The following LRRTM4 variants were observed in gnomAD, a reference collection of about 807,000 sequenced individuals.
The protein encoded by LRRTM4 is leucine-rich repeat transmembrane neuronal protein 4.
Under a neutral mutation model 47.6 loss-of-function variants are expected in LRRTM4, and 25 were observed. That is an observed-to-expected ratio of 0.53 (90% CI 0.38 to 0.73). The LOEUF is 0.73. LRRTM4 is among the 30% of genes least tolerant of loss of function. The pLI, the probability that LRRTM4 is intolerant of heterozygous loss-of-function variation, is 0.00. For missense variants in LRRTM4, 638 were observed against 713.4 expected (o/e 0.89, Z 1.20); for synonymous variants, 311 against 269.5 (o/e 1.15, Z -1.51).
chr2:77,066,147 G>A (rs1679943760), intron 3 of LRRTM4, among the ~76,000 whole-genome samples: 1 of 152,210 alleles, frequency 6.6e-6, no homozygotes, highest in South Asian at 2.1e-4. Context: ...TAGCATACTG[G>A]TGAGGAGCTC....
chr2:76,807,483 TATAC>T (rs1241576411), intron 3 of LRRTM4, among the ~76,000 whole-genome samples: 10 of 134,190 alleles, frequency 7.5e-5, no homozygotes, highest in South Asian at 7.3e-4. Flanking sequence ...TATATATATA[TATAC>T]ATATATATAT....
chr2:77,146,053 A>T (rs1672254575), intron 3 of LRRTM4, among the ~76,000 whole-genome samples: 1 of 152,188 alleles, frequency 6.6e-6, no homozygotes, highest in Non-Finnish European at 1.5e-5. Context: ...TAAAATCCAT[A>T]TTCAGACCCT....
intron 3 of LRRTM4, among the ~76,000 whole-genome samples, chr2:77,002,278 A>G (rs2104027507): frequency 6.6e-6 from 1 of 152,268 alleles, no homozygotes; most frequent in Non-Finnish European, 1.5e-5. Context: ...TAATTTCAGA[A>G]GGAGTGAAAT....
At chr2:77,093,375 G>C (rs1040836864) in intron 3 of LRRTM4, among the ~76,000 whole-genome samples, 35 of 149,450 alleles carry the variant, frequency 2.3e-4, no homozygotes, top group Non-Finnish European at 1.6e-4. Flanking sequence ...TTCTCCTTCT[G>C]TTATTCTATT....
chr2:77,109,810 A>T (rs979619539), intron 3 of LRRTM4, among the ~76,000 whole-genome samples: 1 of 152,084 alleles, frequency 6.6e-6, no homozygotes, highest in Non-Finnish European at 1.5e-5. Flanking sequence ...AAAAAAGTCC[A>T]GCACAATTGG....
In LRRTM4 at chr2:77,494,499, T is replaced by C. The variant is rs373997207; in HGVS notation, c.1551+23819A>G. 5.3e-5 allele frequency among the ~76,000 whole-genome samples: 8 copies of C among 152,162 alleles called. No homozygotes were observed. In the East Asian group the frequency reaches 9.7e-4, roughly 18 times the overall value. On this transcript the variant is annotated intron_variant, in intron 3 of 3. Transcript: ENST00000409884. ...TAGGCATTCCAGAGGCTGAGACCTA[T>C]AGATCAGCAGTGGATTAAGAGAGTC... is the stretch of plus-strand genomic sequence containing the variant.
chr2:77,406,901 G>A (rs187025336), intron 3 of LRRTM4, among the ~76,000 whole-genome samples: 38 of 152,220 alleles, frequency 2.5e-4, no homozygotes, highest in African/African-American at 8.7e-4. Context: ...TTCCATCCTA[G>A]TGGGAAATAA....
chr2:76,946,319 A>T (rs1675321823), intron 3 of LRRTM4, among the ~76,000 whole-genome samples: 1 of 151,956 alleles, frequency 6.6e-6, no homozygotes, highest in Non-Finnish European at 1.5e-5. Context: ...ACGTGTGTAG[A>T]GGAAAAGTCA....
intron 3 of LRRTM4, among the ~76,000 whole-genome samples, chr2:77,017,892 C>A (rs561198599): frequency 6.9e-6 from 1 of 145,624 alleles, no homozygotes; most frequent in African/African-American, 2.6e-5. Context: ...TATTAGAAAG[C>A]GTCTTTCTTT....
At chr2:76,872,564 G>A (rs1177697967) in intron 3 of LRRTM4, among the ~76,000 whole-genome samples, 1 of 151,762 alleles carries the variant, frequency 6.6e-6, no homozygotes, top group Admixed American at 6.6e-5. Flanking sequence ...CACTTACATA[G>A]CACTTACTAT....
chr2:76,777,124 G>C (rs1454391095), intron 3 of LRRTM4, among the ~76,000 whole-genome samples: 1 of 149,522 alleles, frequency 6.7e-6, no homozygotes, highest in South Asian at 2.3e-4. Context: ...CTATATCTCT[G>C]TTTTGGTACC....
At chr2:77,449,192 G>A (rs757933544) in intron 3 of LRRTM4, among the ~76,000 whole-genome samples, 1 of 152,140 alleles carries the variant, frequency 6.6e-6, no homozygotes, top group Non-Finnish European at 1.5e-5. Context: ...ATGCGTTTAA[G>A]ATAATTTTAA....
chr2:76,894,395 G>C (rs781069919), intron 3 of LRRTM4, among the ~76,000 whole-genome samples: 3 of 152,006 alleles, frequency 2.0e-5, no homozygotes, highest in African/African-American at 7.2e-5. Context: ...ACTATATCTA[G>C]CTAAAAGGTA....
intron 3 of LRRTM4, among the ~76,000 whole-genome samples, chr2:77,473,004 T>C (rs553608639): frequency 6.6e-6 from 1 of 152,274 alleles, no homozygotes; most frequent in African/African-American, 2.4e-5. Context: ...ATTAAAATGC[T>C]AAATAGATAC....
intron 3 of LRRTM4, among the ~76,000 whole-genome samples, chr2:77,245,335 A>C (rs1374408896): frequency 1.3e-5 from 2 of 151,916 alleles, no homozygotes; most frequent in Non-Finnish European, 2.9e-5. Flanking sequence ...TTGCTTGAGT[A>C]CAGGAGTTTG....
chr2:77,208,333 T>C (rs990926759), intron 3 of LRRTM4, among the ~76,000 whole-genome samples: 1 of 152,132 alleles, frequency 6.6e-6, no homozygotes, highest in Non-Finnish European at 1.5e-5. Flanking sequence ...ATGTAAGTCA[T>C]AGGAAGCCTC....
chr2:76,947,579 C>A (rs1675363788), intron 3 of LRRTM4, among the ~76,000 whole-genome samples: 1 of 151,564 alleles, frequency 6.6e-6, no homozygotes, highest in Non-Finnish European at 1.5e-5. Context: ...TTGTAGGAAT[C>A]AACGTATAGA....
intron 3 of LRRTM4, among the ~76,000 whole-genome samples, chr2:77,016,030 G>A (rs1040277806): frequency 6.6e-6 from 1 of 151,604 alleles, no homozygotes; most frequent in South Asian, 2.1e-4. Context: ...GCAGTGAGCC[G>A]AGATCACGCC....
intron 3 of LRRTM4, among the ~76,000 whole-genome samples, chr2:77,336,180 G>A (rs1455692132): frequency 1.4e-5 from 2 of 147,308 alleles, no homozygotes; most frequent in Non-Finnish European, 3.0e-5. Flanking sequence ...AGGAAGGAAG[G>A]AAGAAAGGAA....
Sources: allele counts gnomAD v4.1 joint callset (sites outside exome capture counted in the v4.1 genomes callset), GRCh38; gene constraint gnomAD v4.1.1; transcripts MANE v1.5; gene names NCBI Gene and HGNC (gene_info 2026-07-23, HGNC 2026-07-21).